DYM: variants seen among roughly 807,000 people sequenced by gnomAD.
The protein encoded by DYM is dymeclin, also known as dyggve-Melchior-Clausen syndrome protein.
In DYM, 78 loss-of-function variants were observed where a neutral mutation model predicts 93.1. That is an observed-to-expected ratio of 0.84 (90% CI 0.70 to 1.01). The LOEUF is 1.01. Ranked by LOEUF, DYM falls within the 50% of genes least tolerant of loss-of-function variation. The pLI is 0.00. For missense variants in DYM, 789 were observed against 845.0 expected (o/e 0.93, Z 0.82); for synonymous variants, 321 against 319.7 (o/e 1.00, Z -0.04).
At chr18:49,340,616 A>AT (rs1261255048) in intron 6 of DYM, among the ~76,000 whole-genome samples, 1 of 152,194 alleles carries the variant, frequency 6.6e-6, no homozygotes, top group Non-Finnish European at 1.5e-5. Context: ...ATTCAACCCT[A>AT]TGTCTGATGA....
intron 15 of DYM, among the ~76,000 whole-genome samples, chr18:49,147,003 G>A (rs1231400420): frequency 6.6e-6 from 1 of 152,124 alleles, no homozygotes; most frequent in Non-Finnish European, 1.5e-5. Context: ...CAGAGACATA[G>A]ACCAATGGAA....
chr18:49,291,490 G>A (rs1020054800), intron 8 of DYM, among the ~76,000 whole-genome samples: 3 of 152,096 alleles, frequency 2.0e-5, no homozygotes, highest in Non-Finnish European at 4.4e-5. Flanking sequence ...TGGGGGAAGG[G>A]GGGAAATAGT....
intron 8 of DYM, among the ~76,000 whole-genome samples, chr18:49,287,160 C>A (rs1007607908): frequency 1.3e-5 from 2 of 151,904 alleles, no homozygotes; most frequent in African/African-American, 4.8e-5. Flanking sequence ...CCACTCCAGG[C>A]TGGGCAACAG....
chr18:49,324,894 A>G (rs2062775270), intron 8 of DYM, among the ~76,000 whole-genome samples: 1 of 152,178 alleles, frequency 6.6e-6, no homozygotes, highest in South Asian at 2.1e-4. Flanking sequence ...ATGGTCTCAT[A>G]TTTATCAGCA....
intron 6 of DYM, among the ~76,000 whole-genome samples, chr18:49,351,598 ACC>A (rs2065127545): frequency 6.6e-6 from 1 of 151,924 alleles, no homozygotes; most frequent in Non-Finnish European, 1.5e-5. Context: ...AAAAAAAAAA[ACC>A]ATACAGAGCA....
Position 49,272,312 on chromosome 18 carries a change from T to C in DYM, c.1126-9A>G. The C allele has an allele frequency of 6.8e-7, 1 of 1,475,130 alleles. No individual in the cohort carries two copies. Among genetic ancestry groups the C allele is most frequent in the Non-Finnish European group, 9.5e-7 (1 of 1,055,660 alleles). The allele number at this position is 1,475,130 out of a possible 1,614,324, so 91.4% of individuals were successfully genotyped here. ...TCAAGAATTGGTAAAACCTAGAGAA[T>C]AAAAATTATAATTGACTATTTCAAT... On this transcript the variant is annotated splice_polypyrimidine_tract_variant and intron_variant, in intron 10 of 17. Transcript: ENST00000675505.
intron 13 of DYM, among the ~76,000 whole-genome samples, chr18:49,227,979 C>G (rs1035268942): frequency 1.6e-4 from 24 of 152,136 alleles, no homozygotes; most frequent in Admixed American, 5.9e-4. Context: ...CATTTTGGTG[C>G]TCTCCCTTCT....
At chr18:49,384,000 A>G (rs144219682) in intron 3 of DYM, among the ~76,000 whole-genome samples, 84 of 152,306 alleles carry the variant, frequency 5.5e-4, no homozygotes, top group African/African-American at 1.8e-3. Flanking sequence ...TTAAAAAAGA[A>G]CAGAAATCCA....
chr18:49,158,357 G>A (rs1017220510), intron 15 of DYM, among the ~76,000 whole-genome samples: 2 of 152,156 alleles, frequency 1.3e-5, no homozygotes, highest in African/African-American at 2.4e-5. Context: ...TAAAACAAAA[G>A]TTTTAATAAT....
intron 16 of DYM, among the ~76,000 whole-genome samples, chr18:49,106,812 G>A (rs1390050145): frequency 1.3e-5 from 2 of 152,202 alleles, no homozygotes; most frequent in Non-Finnish European, 2.9e-5. Flanking sequence ...TGGGTAACCC[G>A]ACCTTTGTCT....
chr18:49,378,845 T>C, intron 4 of DYM, 145 bp from the exon 5 acceptor site: 1 of 751,010 alleles, frequency 1.3e-6, no homozygotes, highest in Non-Finnish European at 2.2e-6. Flanking sequence ...TTTTAATGGC[T>C]CATGATTTAT....
At chr18:49,217,888 A>G (rs2093153580) in intron 13 of DYM, among the ~76,000 whole-genome samples, 1 of 152,242 alleles carries the variant, frequency 6.6e-6, no homozygotes, top group African/African-American at 2.4e-5. Context: ...CCACAGGATC[A>G]AATTCACACA....
At chr18:49,371,013 C>T (rs781614351) in intron 5 of DYM, among the ~76,000 whole-genome samples, 10 of 152,084 alleles carry the variant, frequency 6.6e-5, no homozygotes, top group Non-Finnish European at 1.5e-4. Flanking sequence ...AGATAGGTAA[C>T]CCTGAGGATG....
intron 10 of DYM, among the ~76,000 whole-genome samples, chr18:49,276,605 CATTAA>C (rs1219597551): frequency 6.6e-6 from 1 of 151,994 alleles, no homozygotes; most frequent in African/African-American, 2.4e-5. Flanking sequence ...GATTGAGAGA[CATTAA>C]ATTAATTCAT....
At chr18:49,448,995 G>A (rs1323267516) in intron 1 of DYM, among the ~76,000 whole-genome samples, 1 of 152,108 alleles carries the variant, frequency 6.6e-6, no homozygotes, top group East Asian at 1.9e-4. Context: ...AGCCCTTCAA[G>A]TCCCCCTTAT....
chr18:49,116,343 G>A (rs1010639881), intron 16 of DYM: 2 of 152,088 alleles, frequency 1.3e-5, no homozygotes, highest in African/African-American at 4.8e-5. Context: ...ATGTAAAAGG[G>A]GAAAGAGTTT....
At chr18:49,269,676 C>T (rs1291616627) in intron 11 of DYM, among the ~76,000 whole-genome samples, 1 of 152,118 alleles carries the variant, frequency 6.6e-6, no homozygotes, top group East Asian at 1.9e-4. Context: ...TTACAAAATT[C>T]CTATCACCTA....
intron 17 of DYM, among the ~76,000 whole-genome samples, chr18:49,081,409 C>T (rs1022125804): frequency 3.3e-5 from 5 of 151,804 alleles, no homozygotes; most frequent in Admixed American, 3.3e-4. Flanking sequence ...CAGGCTGAGG[C>T]AGGAGAATCA....
At chr18:49,433,647 C>G (rs1173107697) in intron 1 of DYM, among the ~76,000 whole-genome samples, 1 of 152,078 alleles carries the variant, frequency 6.6e-6, no homozygotes. Flanking sequence ...GCAGGTGGAT[C>G]ACTTAAGGCC....
Sources: gnomAD v4.1 joint callset for allele counts (sites outside exome capture counted in the v4.1 genomes callset) on GRCh38, gnomAD v4.1.1 for gene constraint, MANE v1.5 for transcripts, NCBI Gene and HGNC (gene_info 2026-07-23, HGNC 2026-07-21) for gene names.